Variants in IBTK observed in about 807,000 individuals in gnomAD.
The protein encoded by IBTK is BTK-binding protein.
In IBTK, 83 loss-of-function variants were observed where a neutral mutation model predicts 154.9. That is an observed-to-expected ratio of 0.54 (90% CI 0.45 to 0.64). The LOEUF is 0.64. Ranked by LOEUF, IBTK falls within the 30% of genes least tolerant of loss-of-function variation. IBTK has a pLI of 0.00. For missense variants in IBTK, 1,332 were observed against 1,584.6 expected (o/e 0.84, Z 2.71); for synonymous variants, 515 against 536.1 (o/e 0.96, Z 0.54).
intron 7 of IBTK, among the ~76,000 whole-genome samples, 197 bp from the exon 8 acceptor site, chr6:82,223,817 G>A (rs547419578): frequency 6.6e-6 from 1 of 152,206 alleles, no homozygotes; most frequent in South Asian, 2.1e-4. Context: ...CAGCATGGTG[G>A]TAGGGGCCTC....
chr6:82,239,990 G>A (rs1388725884), intron 2 of IBTK, among the ~76,000 whole-genome samples, 176 bp downstream of exon 2: 3 of 152,098 alleles, frequency 2.0e-5, no homozygotes, highest in Non-Finnish European at 2.9e-5. Flanking sequence ...TCACAAAAAA[G>A]TTAAGTAAAA....
At chr6:82,245,348 C>T (rs1771103540) in intron 1 of IBTK, among the ~76,000 whole-genome samples, 1 of 151,918 alleles carries the variant, frequency 6.6e-6, no homozygotes, top group Non-Finnish European at 1.5e-5. Context: ...CACTTGAGCC[C>T]AGGACTTTGA....
Position 82,211,513 on chromosome 6 carries a change from T to C in IBTK, c.2351A>G (p.Lys784Arg), listed in dbSNP as rs1177686836. The change falls in exon 14 of 29, where the codon AAA (lysine) becomes AGA (arginine). Residue 784 changes from lysine (K) to arginine (R), a missense_variant. By Grantham distance (26) the Lys-to-Arg change is conservative (BLOSUM62 2). Coordinates refer to ENST00000306270, the MANE Select transcript of IBTK (RefSeq NM_015525.4). The part of the protein sequence containing the change: ...SVDGKEFPCH[K>R]CVLCARLEYF... ...ACCAAGTCTAGCACAAAGAACACAT[T>C]TATGACAAGGAAATTCCTTTCCATC... The C allele has an allele frequency of 1.9e-6, 3 of 1,613,590 alleles. No individual in the cohort carries two copies. The South Asian group carries it at 3.3e-5, about 18-fold the overall frequency.
chr6:82,200,681 T>C lies in IBTK; in HGVS notation c.2818A>G (p.Thr940Ala), dbSNP rs778991138. The stretch of plus-strand genomic sequence containing the variant: ...ATATCTGGTCCATCTTGATATGGTG[T>C]AATGACTCTTCTATCCATTGCTGGA... ...MIPAMDRRVITPYQDGPDISY... is the reference protein window; with the variant it reads ...MIPAMDRRVIAPYQDGPDISY... Residue 940 changes from threonine to alanine, a missense_variant, in exon 20 of 29, where the codon ACA becomes GCA. Thr to Ala is a moderately conservative substitution (Grantham distance 58). Coordinates refer to ENST00000306270, the MANE Select transcript of IBTK (RefSeq NM_015525.4). The C allele has an allele frequency of 2.5e-6, 4 of 1,593,264 alleles. No individual in the cohort carries two copies. In the African/African-American group the frequency reaches 5.5e-5, roughly 22 times the overall value.
At chr6:82,202,775 A>G in intron 17 of IBTK, 130 bp from the exon 18 acceptor site, 1 of 570,504 alleles carries the variant, frequency 1.8e-6, no homozygotes, top group South Asian at 2.5e-5. Context: ...CTTGCCAAAA[A>G]TAAGTTAATA....
intron 1 of IBTK, 134 bp from the exon 2 acceptor site, chr6:82,240,977 CT>C (rs1770927218): frequency 2.5e-6 from 1 of 395,064 alleles, no homozygotes; most frequent in African/African-American, 2.1e-5. Flanking sequence ...TACTGGAACA[CT>C]AAGCTTACGG....
intron 1 of IBTK, among the ~76,000 whole-genome samples, chr6:82,246,368 A>C (rs1287282718): frequency 6.6e-6 from 1 of 151,238 alleles, no homozygotes. Context: ...GGGTTTCACC[A>C]AGTTGGCCTC....
chr6:82,178,115 T>C (rs1243558255), intron 26 of IBTK, among the ~76,000 whole-genome samples: 1 of 152,242 alleles, frequency 6.6e-6, no homozygotes, highest in Non-Finnish European at 1.5e-5. Context: ...CAAAGCTATC[T>C]GTCTTCTTTC....
chr6:82,190,041 A>C (rs1773110180), intron 25 of IBTK, among the ~76,000 whole-genome samples: 1 of 152,132 alleles, frequency 6.6e-6, no homozygotes, highest in Non-Finnish European at 1.5e-5. Context: ...ATACTGATAA[A>C]TTTTAAAATT....
At chr6:82,211,301 A>T in intron 15 of IBTK, 66 bp downstream of exon 15, 2 of 1,279,642 alleles carry the variant, frequency 1.6e-6, no homozygotes, top group Non-Finnish European at 2.2e-6. Flanking sequence ...TTTCTTTACT[A>T]CATACTTTGC....
chr6:82,221,787 G>GA (rs965563970), intron 8 of IBTK, among the ~76,000 whole-genome samples: 2 of 151,936 alleles, frequency 1.3e-5, no homozygotes, highest in African/African-American at 2.4e-5. Context: ...TCAAACTCAG[G>GA]AAAAAACCTA....
At chr6:82,195,296 C>T (rs773078163) in intron 22 of IBTK, among the ~76,000 whole-genome samples, 21 of 152,034 alleles carry the variant, frequency 1.4e-4, no homozygotes, top group Non-Finnish European at 1.9e-4. Context: ...TCAATCCTGG[C>T]GGGGTGTGGT....
intron 2 of IBTK, among the ~76,000 whole-genome samples, chr6:82,239,775 T>C (rs1770871423): frequency 8.2e-6 from 1 of 122,660 alleles, no homozygotes; most frequent in African/African-American, 3.0e-5. Flanking sequence ...CCTCTTCTGG[T>C]TCTGAATGCT....
In IBTK at chr6:82,204,923, C is replaced by A; in HGVS notation, c.2545G>T (p.Val849Leu). The change falls in exon 17 of 29, where the codon GTG becomes TTG. Residue 849 changes from valine (V) to leucine (L), a missense_variant. This residue lies in a region of IBTK where 1,134 missense variants were observed against 1,274.7 expected (regional missense o/e 0.89). Coordinates refer to ENST00000306270, the MANE Select transcript of IBTK (RefSeq NM_015525.4). ...QNVDFICSVL[V>L]VADQLLITRL... is the part of the protein sequence containing the mutation. Reference sequence around the variant, plus strand: ...GTTATGAGAAGTTGATCAGCCACCACAAGAACACTACAAATAAAATCTACA... The same window carrying A: ...GTTATGAGAAGTTGATCAGCCACCAAAAGAACACTACAAATAAAATCTACA... 1 of 1,605,034 alleles carries A rather than the reference C, an allele frequency of 6.2e-7. No homozygotes were observed. The highest frequency in any genetic ancestry group is 1.1e-5 in the South Asian group (1 of 89,262).
At chr6:82,210,148 T>C (rs1164333698) in intron 16 of IBTK, among the ~76,000 whole-genome samples, 1 of 152,182 alleles carries the variant, frequency 6.6e-6, no homozygotes, top group Non-Finnish European at 1.5e-5. Flanking sequence ...TCATAAATTT[T>C]GGTACAATTT....
Position 82,220,680 on chromosome 6 carries a change from C to A in IBTK, c.1158G>T (p.Gly386=), listed in dbSNP as rs1770063388. The change falls in exon 9 of 29, where the codon GGG becomes GGT. Residue 386 remains glycine, a synonymous_variant. Coordinates refer to ENST00000306270, the MANE Select transcript of IBTK (RefSeq NM_015525.4). Reference sequence around the variant, plus strand: ...GATCAACCTTGTATTCCATATGACCCCCAGACACAAGAACTTTTTTCAAGT... The same window carrying A: ...GATCAACCTTGTATTCCATATGACCACCAGACACAAGAACTTTTTTCAAGT... ...QLNLKKVLVS[G]GHMEYKVDPE... is the part of the protein sequence containing the mutation. The A allele has an allele frequency of 1.2e-6, 2 of 1,600,676 alleles. No homozygotes were observed. Among genetic ancestry groups the A allele is most frequent in the African/African-American group, 1.4e-5 (1 of 73,772 alleles).
intron 27 of IBTK, chr6:82,172,782 A>G: frequency 3.0e-6 from 1 of 334,900 alleles, no homozygotes; most frequent in Non-Finnish European, 5.4e-6. Context: ...CGCAGAGATT[A>G]CAGAATGATG....
intron 23 of IBTK, among the ~76,000 whole-genome samples, chr6:82,193,779 T>C (rs1768874890): frequency 6.6e-6 from 1 of 152,116 alleles, no homozygotes; most frequent in African/African-American, 2.4e-5. Context: ...CCTCCCGGGT[T>C]CAAACGATTC....
At chr6:82,187,551 C>T (rs1197359267) in intron 25 of IBTK, among the ~76,000 whole-genome samples, 1 of 152,064 alleles carries the variant, frequency 6.6e-6, no homozygotes, top group Non-Finnish European at 1.5e-5. Flanking sequence ...AGTCTAAAAA[C>T]AGCAACACAT....
Sources: gnomAD v4.1 joint callset for allele counts (sites outside exome capture counted in the v4.1 genomes callset) on GRCh38, gnomAD v4.1.1 for gene constraint, gnomAD v4.1.1 regional missense constraint, MANE v1.5 for transcripts, NCBI Gene and HGNC (gene_info 2026-07-23, HGNC 2026-07-21) for gene names.